SYNPR: variants seen among roughly 807,000 people sequenced by gnomAD.
The protein encoded by SYNPR is synaptoporin.
Under a neutral mutation model 32.9 loss-of-function variants are expected in SYNPR, and 23 were observed. The ratio of observed to expected loss-of-function variants is 0.70; its 90% CI spans 0.50 to 0.99. SYNPR has a LOEUF of 0.99. SYNPR is among the 50% of genes least tolerant of loss of function. SYNPR has a pLI of 0.00. For synonymous variants in SYNPR, 146 were observed against 135.9 expected (o/e 1.07, Z -0.52); for missense variants, 318 against 349.3 (o/e 0.91, Z 0.71).
chr3:63,303,060 G>T (rs1253311234), intron 2 of SYNPR, among the ~76,000 whole-genome samples: 3 of 151,736 alleles, frequency 2.0e-5, no homozygotes, highest in African/African-American at 4.8e-5. Flanking sequence ...GTACAGTGAA[G>T]AATTCATTTT....
intron 2 of SYNPR, among the ~76,000 whole-genome samples, chr3:63,381,307 C>T (rs992777217): frequency 6.6e-6 from 1 of 152,110 alleles, no homozygotes; most frequent in African/African-American, 2.4e-5. Flanking sequence ...TTCACAATTG[C>T]TTCAAAGAGA....
chr3:63,400,520 T>A (rs990341214), intron 2 of SYNPR, among the ~76,000 whole-genome samples: 13 of 152,248 alleles, frequency 8.5e-5, no homozygotes, highest in Non-Finnish European at 1.6e-4. Context: ...GCTGCTTGTA[T>A]GTCCTCAAAA....
chr3:63,278,293 A>C, upstream of SYNPR: 1 of 554,350 alleles, frequency 1.8e-6, no homozygotes, highest in Non-Finnish European at 3.2e-6. Flanking sequence ...ACCCTGCCCC[A>C]GCTCTTCCCT....
At chr3:63,426,747 T>C (rs1054404688) in intron 2 of SYNPR, 1 of 152,154 alleles carries the variant, frequency 6.6e-6, no homozygotes, top group East Asian at 1.9e-4. Flanking sequence ...GGTCACAAAG[T>C]TGCTTTTGGC....
At chr3:63,290,427 A>ATGC (rs1399776894) in intron 2 of SYNPR, among the ~76,000 whole-genome samples, 5 of 152,156 alleles carry the variant, frequency 3.3e-5, no homozygotes, top group Non-Finnish European at 7.3e-5. Flanking sequence ...AGTTCCCTTT[A>ATGC]TGCTACCTCA....
In SYNPR at chr3:63,613,610, C is replaced by CAAAAAAAAAAAAAA. The variant is rs10566584; in HGVS notation, c.601-1598_601-1585dup. On this transcript the variant is annotated intron_variant, in intron 5 of 5. Coordinates refer to ENST00000478300, the MANE Select transcript of SYNPR (RefSeq NM_001130003.2). The stretch of plus-strand genomic sequence containing the variant: ...TGCCTCAGTTCAATTTATGCTGCAG[C>CAAAAAAAAAAAAAA]AAAAAAAAAAAAAAAAAAAAAAAAA... 4.6e-4 allele frequency among the ~76,000 whole-genome samples: 21 copies of CAAAAAAAAAAAAAA among 46,048 alleles called. 2 individuals are homozygous for CAAAAAAAAAAAAAA. The highest frequency in any genetic ancestry group is 3.9e-3 in the East Asian group (3 of 770). 30.2% of individuals were successfully genotyped at this position (46,048 alleles called of 152,430 possible).
At chr3:63,600,505 A>G (rs73120751) in intron 4 of SYNPR, among the ~76,000 whole-genome samples, 7,038 of 152,188 alleles carry the variant, frequency 0.046, 221 homozygotes, top group Middle Eastern at 0.099. Flanking sequence ...TATGCTTAAT[A>G]TGGTTTGGCT....
chr3:63,214,118 T>G, the SYNPR span, among the ~76,000 whole-genome samples: 1 of 44,122 alleles, frequency 2.3e-5, no homozygotes, highest in Admixed American at 2.7e-4. Context: ...GCCAGTATTT[T>G]ATTGAGGATT....
intron 2 of SYNPR, among the ~76,000 whole-genome samples, chr3:63,358,243 G>A (rs1018385340): frequency 1.8e-4 from 28 of 152,204 alleles, no homozygotes; most frequent in African/African-American, 6.0e-4. Context: ...CAGTTCTGGA[G>A]GCCAGAATCC....
chr3:63,271,264 C>A (rs2086534107), intron 3 of SYNPR, among the ~76,000 whole-genome samples: 1 of 152,010 alleles, frequency 6.6e-6, no homozygotes, highest in East Asian at 1.9e-4. Flanking sequence ...CTCACGTTAG[C>A]CCAGCTATGT....
intron 2 of SYNPR, among the ~76,000 whole-genome samples, chr3:63,360,037 T>C (rs2087635816): frequency 6.6e-6 from 1 of 152,164 alleles, no homozygotes; most frequent in African/African-American, 2.4e-5. Flanking sequence ...ACTGCTTTTC[T>C]CCTGAAAATC....
chr3:63,453,824 A>G (rs986310595), intron 2 of SYNPR, among the ~76,000 whole-genome samples: 3 of 152,160 alleles, frequency 2.0e-5, no homozygotes, highest in Admixed American at 1.3e-4. Context: ...GAGGTTCTTT[A>G]TAACGTAAAT....
Position 63,261,913 on chromosome 3 carries a change from A to T in SYNPR, n.155-5404A>T, listed in dbSNP as rs528737684. ...GAGAGTGGAGGGATAGCATTAGGAGATATACCTAATGTTAAATGATGAGTT... is the reference window on the plus strand; with the variant it reads ...GAGAGTGGAGGGATAGCATTAGGAGTTATACCTAATGTTAAATGATGAGTT... On this transcript the variant is annotated intron_variant and non_coding_transcript_variant, in intron 2 of 4. Coordinates refer to the SYNPR transcript ENST00000478456. Among the ~76,000 whole-genome samples, 3 of 151,802 alleles carry T rather than the reference A, an allele frequency of 2.0e-5. No individual in the cohort carries two copies. The South Asian group carries it at 6.3e-4, about 32-fold the overall frequency.
intron 2 of SYNPR, among the ~76,000 whole-genome samples, chr3:63,393,496 C>CTT (rs71631152): frequency 1.6e-3 from 134 of 84,482 alleles, no homozygotes; most frequent in Non-Finnish European, 2.2e-3. Flanking sequence ...TCTTTCTTCT[C>CTT]TTTTTTTTTT....
chr3:63,592,376 T>C (rs948911074), intron 4 of SYNPR, among the ~76,000 whole-genome samples: 169 of 152,180 alleles, frequency 1.1e-3, no homozygotes, highest in African/African-American at 4.0e-3. Context: ...AACAAATATT[T>C]AAATTACCAG....
chr3:63,220,866 A>G, the SYNPR span, among the ~76,000 whole-genome samples: 12 of 152,160 alleles, frequency 7.9e-5, no homozygotes, highest in Non-Finnish European at 1.6e-4. Context: ...TGTTCCTTCA[A>G]CTGCTTCTTC....
chr3:63,609,455 G>T, intron 5 of SYNPR, 139 bp downstream of exon 5: 1 of 644,376 alleles, frequency 1.6e-6, no homozygotes, highest in Non-Finnish European at 2.4e-6. Flanking sequence ...CTTCACCTCA[G>T]GTACAGGATG....
chr3:63,356,549 A>T (rs1383490032), intron 2 of SYNPR, among the ~76,000 whole-genome samples: 1 of 152,242 alleles, frequency 6.6e-6, no homozygotes, highest in Non-Finnish European at 1.5e-5. Context: ...AAGGTCAGTC[A>T]GCAGTGGTGT....
the SYNPR span, among the ~76,000 whole-genome samples, chr3:63,209,175 G>T: frequency 1.3e-5 from 2 of 151,988 alleles, no homozygotes; most frequent in African/African-American, 2.4e-5. Context: ...AAAACTAGCC[G>T]GGCGAGGTGG....
Sources: allele counts gnomAD v4.1 joint callset (sites outside exome capture counted in the v4.1 genomes callset), GRCh38; gene constraint gnomAD v4.1.1; transcripts MANE v1.5; gene names NCBI Gene and HGNC (gene_info 2026-07-23, HGNC 2026-07-21).